The following HDAC9 variants were observed in gnomAD, a reference collection of about 807,000 sequenced individuals.
HDAC9 encodes MEF-2 interacting transcription repressor (MITR) protein.
In HDAC9, 41 loss-of-function variants were observed where a neutral mutation model predicts 139.4. That is an observed-to-expected ratio of 0.29 (90% CI 0.23 to 0.38). HDAC9 has a LOEUF of 0.38. Ranked by LOEUF, HDAC9 falls within the 10% of genes least tolerant of loss-of-function variation. HDAC9 has a pLI of 1.00. For missense variants in HDAC9, 1,147 were observed against 1,297.0 expected (o/e 0.88, Z 1.78); for synonymous variants, 517 against 476.2 (o/e 1.09, Z -1.12).
chr7:18,341,673 C>G (rs1308976953), intron 1 of HDAC9, among the ~76,000 whole-genome samples: 1 of 151,408 alleles, frequency 6.6e-6, no homozygotes, highest in Non-Finnish European at 1.5e-5. Context: ...GTGTTTTTTT[C>G]TATTTTCTCT....
At chr7:18,734,895 T>G (rs922103546) in intron 13 of HDAC9, among the ~76,000 whole-genome samples, 1 of 152,182 alleles carries the variant, frequency 6.6e-6, no homozygotes, top group African/African-American at 2.4e-5. Flanking sequence ...CTCTCCAGCA[T>G]CTGTTGTTTC....
chr7:18,824,932 G>A (rs1234554852), intron 17 of HDAC9, among the ~76,000 whole-genome samples: 2 of 152,186 alleles, frequency 1.3e-5, no homozygotes, highest in Non-Finnish European at 2.9e-5. Context: ...AAATCAACAG[G>A]AATTTGTCAT....
At chr7:18,212,002 T>A (rs556868460) in intron 2 of HDAC9, among the ~76,000 whole-genome samples, 5 of 152,102 alleles carry the variant, frequency 3.3e-5, no homozygotes, top group African/African-American at 4.8e-5. Context: ...AAAAATTGAT[T>A]TGTTCACGTT....
intron 12 of HDAC9, among the ~76,000 whole-genome samples, chr7:18,697,197 C>G (rs1405342785): frequency 1.3e-5 from 2 of 152,262 alleles, no homozygotes; most frequent in East Asian, 3.9e-4. Flanking sequence ...ATGAGCTTCT[C>G]TAGGATCACA....
intron 13 of HDAC9, among the ~76,000 whole-genome samples, chr7:18,728,653 T>A (rs1369416096): frequency 6.6e-6 from 1 of 152,332 alleles, no homozygotes; most frequent in South Asian, 2.1e-4. Flanking sequence ...TCTTTTGAGT[T>A]CTCTGATTTA....
intron 2 of HDAC9, among the ~76,000 whole-genome samples, chr7:18,273,055 C>CTTTTTTTTTTTTTTTTTTTT (rs1491175072): frequency 2.9e-5 from 2 of 68,236 alleles, no homozygotes; most frequent in Non-Finnish European, 5.3e-5. Flanking sequence ...TCCCCTTCTT[C>CTTTTTTTTTTTTTTTTTTTT]GTTTTTTTTT....
chr7:18,800,758 G>A (rs1045396652), intron 17 of HDAC9, among the ~76,000 whole-genome samples: 6 of 152,008 alleles, frequency 3.9e-5, no homozygotes, highest in East Asian at 1.9e-4. Flanking sequence ...GCTTGAGCCC[G>A]GGAAGTCAAA....
chr7:18,351,769 C>T (rs1782865904), intron 1 of HDAC9, among the ~76,000 whole-genome samples: 1 of 152,130 alleles, frequency 6.6e-6, no homozygotes, highest in Non-Finnish European at 1.5e-5. Context: ...TAAATATTTG[C>T]TGTGTAGATA....
chr7:18,288,935 G>A (rs561178441), upstream of HDAC9, among the ~76,000 whole-genome samples: 1 of 152,194 alleles, frequency 6.6e-6, no homozygotes, highest in Non-Finnish European at 1.5e-5. Flanking sequence ...GCTTGGGGAA[G>A]CTGTTAAGAG....
chr7:18,341,950 ATTAC>A lies in HDAC9; in HGVS notation c.-42+51438_-42+51441del, dbSNP rs544008615. ...GACTAGAGTAATGCTGTCTAGGGCT[ATTAC>A]TTCTCACTACTCGGGGAAGCCTCTT... On this transcript the variant is annotated intron_variant, in intron 1 of 3. Coordinates refer to the HDAC9 transcript ENST00000413509. Among the ~76,000 whole-genome samples, 77 of 151,862 alleles carry A rather than the reference ATTAC, an allele frequency of 5.1e-4. No individual in the cohort carries two copies. In the East Asian group the frequency reaches 0.014, roughly 28 times the overall value.
At chr7:18,279,012 C>A (rs1224246775) in intron 2 of HDAC9, among the ~76,000 whole-genome samples, 1 of 152,082 alleles carries the variant, frequency 6.6e-6, no homozygotes, top group Non-Finnish European at 1.5e-5. Context: ...TTTTATATGT[C>A]ATTTTGGAAA....
intron 24 of HDAC9, among the ~76,000 whole-genome samples, chr7:18,960,916 T>G (rs1014284732): frequency 2.0e-5 from 3 of 152,184 alleles, no homozygotes. Context: ...ATCCAATGTT[T>G]TGACCTCATG....
chr7:18,877,811 T>C (rs572289116), intron 22 of HDAC9, among the ~76,000 whole-genome samples: 13 of 152,316 alleles, frequency 8.5e-5, no homozygotes, highest in South Asian at 2.1e-4. Flanking sequence ...GTGATGTTTT[T>C]CTTTCTTCCT....
At chr7:18,547,104 T>C (rs964826755) in intron 2 of HDAC9, among the ~76,000 whole-genome samples, 1 of 152,264 alleles carries the variant, frequency 6.6e-6, no homozygotes, top group Non-Finnish European at 1.5e-5. Flanking sequence ...AAAATTACTT[T>C]ATTGCTTAAA....
rs140442637 is a variant in HDAC9, at chr7:18,167,652, T to G, written c.25+5303T>G. The stretch of plus-strand genomic sequence containing the variant: ...TCTAAGGTCATTGTGCATCTCCGCA[T>G]CAAGCTGGTGGGAGGGAAATTGAAG... On this transcript the variant is annotated intron_variant, in intron 2 of 12. Coordinates refer to the HDAC9 transcript ENST00000417496. 3.0e-3 allele frequency among the ~76,000 whole-genome samples: 453 copies of G among 152,320 alleles called. 2 individuals are homozygous for G. The highest frequency in any genetic ancestry group is 0.01 in the African/African-American group (419 of 41,572).
intron 21 of HDAC9, among the ~76,000 whole-genome samples, chr7:18,841,305 T>G (rs1261342433): frequency 6.6e-6 from 1 of 152,084 alleles, no homozygotes; most frequent in Non-Finnish European, 1.5e-5. Context: ...TGTTTGGATT[T>G]TTTTTGTTCT....
intron 2 of HDAC9, among the ~76,000 whole-genome samples, chr7:18,525,785 G>T (rs545160199): frequency 6.6e-6 from 1 of 152,054 alleles, no homozygotes; most frequent in Non-Finnish European, 1.5e-5. Flanking sequence ...CTGTATATCT[G>T]TTCCCTGGAA....
At chr7:18,262,126 A>G (rs1795721316) in intron 2 of HDAC9, among the ~76,000 whole-genome samples, 1 of 152,236 alleles carries the variant, frequency 6.6e-6, no homozygotes, top group Admixed American at 6.5e-5. Context: ...TAAAACCAAA[A>G]CAAAGCAATT....
chr7:18,795,257 T>TAAAAAA (rs5882676), intron 17 of HDAC9, among the ~76,000 whole-genome samples: 63 of 65,488 alleles, frequency 9.6e-4, no homozygotes, highest in African/African-American at 3.1e-3. Context: ...AAGAAAACAG[T>TAAAAAA]AAAAAAAAAA....
Sources: gnomAD v4.1 joint callset for allele counts (sites outside exome capture counted in the v4.1 genomes callset) on GRCh38, gnomAD v4.1.1 for gene constraint, MANE v1.5 for transcripts, NCBI Gene and HGNC (gene_info 2026-07-23, HGNC 2026-07-21) for gene names.